CFAP69: variants seen among roughly 807,000 people sequenced by gnomAD.
The protein encoded by CFAP69 is cilia- and flagella-associated protein 69.
A neutral mutation model predicts 123.0 loss-of-function variants in CFAP69; 92 were observed. The ratio of observed to expected loss-of-function variants is 0.75; its 90% CI spans 0.63 to 0.89. The LOEUF (loss-of-function observed/expected upper bound fraction) is 0.89, where lower values mean the gene tolerates loss of function less well. Ranked by LOEUF, CFAP69 falls within the 40% of genes least tolerant of loss-of-function variation. The pLI is 0.00. For missense variants in CFAP69, 1,067 were observed against 1,096.9 expected (o/e 0.97, Z 0.39); for synonymous variants, 380 against 364.3 (o/e 1.04, Z -0.49).
At chr7:90,297,302 C>T (rs1792130404) in intron 15 of CFAP69, among the ~76,000 whole-genome samples, 1 of 152,156 alleles carries the variant, frequency 6.6e-6, no homozygotes, top group Admixed American at 6.5e-5. Context: ...CCCTCCTTCC[C>T]ATCATGGCCT....
At chr7:90,311,967 A>T (rs975352179), downstream of CFAP69, among the ~76,000 whole-genome samples, 4 of 152,230 alleles carry the variant, frequency 2.6e-5, no homozygotes, top group African/African-American at 9.6e-5. Context: ...ATGCCCATAC[A>T]AAAAATACCA....
intron 9 of CFAP69, 70 bp downstream of exon 9, chr7:90,274,180 T>G: frequency 2.6e-6 from 4 of 1,535,794 alleles, no homozygotes; most frequent in Non-Finnish European, 2.6e-6. Context: ...AAGTCCTATA[T>G]TATGTTGGAA....
intron 1 of CFAP69, among the ~76,000 whole-genome samples, chr7:90,252,828 C>G (rs1027748467): frequency 2.0e-5 from 3 of 152,006 alleles, no homozygotes; most frequent in African/African-American, 7.2e-5. Flanking sequence ...AAAGAAATTT[C>G]TTGAGATCAG....
intron 6 of CFAP69, among the ~76,000 whole-genome samples, chr7:90,269,676 T>C (rs1462169728): frequency 1.3e-5 from 2 of 152,052 alleles, no homozygotes; most frequent in Non-Finnish European, 1.5e-5. Context: ...AATCAGAGGA[T>C]TGTGAGAGTA....
chr7:90,255,580 C>A, intron 2 of CFAP69, 98 bp downstream of exon 2: 1 of 935,306 alleles, frequency 1.1e-6, no homozygotes, highest in Non-Finnish European at 1.7e-6. Context: ...TCTCATTTAT[C>A]TCGTTTTGTT....
At position 90,296,376 on chromosome 7, in the gene CFAP69, G is replaced by A. The variant is rs144149468; in HGVS notation, c.1776-1373G>A. Reference sequence around the variant, plus strand: ...GGGGTCTCATTCTGTCACCCAGCCCGGGGTGCAGTGGCGTGATCTCAGCTC... The same window carrying A: ...GGGGTCTCATTCTGTCACCCAGCCCAGGGTGCAGTGGCGTGATCTCAGCTC... On this transcript the variant is annotated intron_variant, in intron 15 of 22. Transcript: ENST00000389297. Among the ~76,000 whole-genome samples, 28 of 151,946 alleles carry A rather than the reference G, an allele frequency of 1.8e-4. No individual in the cohort carries two copies. In the East Asian group the frequency reaches 4.5e-3, roughly 24 times the overall value.
chr7:90,267,057 A>G (rs1029298225), intron 5 of CFAP69, among the ~76,000 whole-genome samples: 7 of 152,200 alleles, frequency 4.6e-5, no homozygotes, highest in African/African-American at 1.7e-4. Context: ...ATAAGCCTGC[A>G]TATTTGGATA....
intron 15 of CFAP69, among the ~76,000 whole-genome samples, chr7:90,293,838 G>A (rs1464805649): frequency 6.6e-6 from 1 of 152,096 alleles, no homozygotes; most frequent in Admixed American, 6.6e-5. Context: ...ATGTGTCCCA[G>A]GCCTTACCTA....
At chr7:90,264,756 A>G (rs2116811914) in intron 4 of CFAP69, among the ~76,000 whole-genome samples, 1 of 152,134 alleles carries the variant, frequency 6.6e-6, no homozygotes, top group South Asian at 2.1e-4. Flanking sequence ...TAATTAATAT[A>G]ATATTTTCTT....
intron 9 of CFAP69, among the ~76,000 whole-genome samples, chr7:90,276,721 T>G (rs1189203871): frequency 6.6e-6 from 1 of 152,188 alleles, no homozygotes; most frequent in Non-Finnish European, 1.5e-5. Context: ...CCTTACTGTG[T>G]CATTTGAAGT....
At position 90,277,203 on chromosome 7, in the gene CFAP69, T is replaced by C. The variant is rs774961269; in HGVS notation, c.1034-10T>C. 7 of 1,582,328 alleles carry C rather than the reference T, an allele frequency of 4.4e-6. No homozygotes were observed. In the East Asian group the frequency reaches 1.4e-4, roughly 31 times the overall value. On this transcript the variant is annotated splice_polypyrimidine_tract_variant and intron_variant, in intron 10 of 22. Transcript: ENST00000389297. The stretch of plus-strand genomic sequence containing the variant: ...ATTTAAGCTTTCATTTTACTTTTTT[T>C]CCCTCACAGTTAAAAGTCAAAATCT...
At chr7:90,297,940 C>G in intron 16 of CFAP69, 110 bp downstream of exon 16, 1 of 710,996 alleles carries the variant, frequency 1.4e-6, no homozygotes, top group Non-Finnish European at 2.3e-6. Flanking sequence ...TGCCCCAAAT[C>G]ATGTTCAAAG....
chr7:90,294,414 C>A (rs1791629640), intron 15 of CFAP69, among the ~76,000 whole-genome samples: 1 of 152,088 alleles, frequency 6.6e-6, no homozygotes, highest in East Asian at 1.9e-4. Context: ...GATTTAAGTT[C>A]TTCTTATTAA....
At position 90,299,961 on chromosome 7, in the gene CFAP69, GGAA is replaced by G; in HGVS notation, c.1957_1959del (p.Lys653del). The G allele has an allele frequency of 1.2e-6, 2 of 1,612,188 alleles. No homozygotes were observed. Among genetic ancestry groups the G allele is most frequent in the Non-Finnish European group, 1.7e-6 (2 of 1,179,100 alleles). On this transcript the variant is annotated inframe_deletion, in exon 17 of 23. Transcript: ENST00000389297. The stretch of plus-strand genomic sequence containing the variant: ...GCAGCTCATGTCAATGCTTGGCAAG[GGAA>G]GAAGGATCAGACAGCTGCTAGTCTT...
downstream of CFAP69, among the ~76,000 whole-genome samples, chr7:90,315,601 A>G (rs191144296): frequency 1.8e-3 from 272 of 152,230 alleles, no homozygotes; most frequent in Non-Finnish European, 3.0e-3. Context: ...GGCCTACTTG[A>G]TTGGTGGAGA....
At chr7:90,305,496 G>C (rs1263797033) in intron 19 of CFAP69, among the ~76,000 whole-genome samples, 3 of 150,940 alleles carry the variant, frequency 2.0e-5, no homozygotes, top group African/African-American at 7.3e-5. Flanking sequence ...AGGTTCAAGT[G>C]ATTCTCCTGC....
intron 2 of CFAP69, among the ~76,000 whole-genome samples, chr7:90,256,323 A>G (rs1026243561): frequency 6.6e-6 from 1 of 152,146 alleles, no homozygotes; most frequent in African/African-American, 2.4e-5. Context: ...GTGGGAGGTG[A>G]ACAATGAGAA....
At chr7:90,289,834 G>A (rs531067121) in intron 15 of CFAP69, among the ~76,000 whole-genome samples, 13 of 152,076 alleles carry the variant, frequency 8.5e-5, no homozygotes, top group African/African-American at 2.9e-4. Context: ...TACTTTTTTT[G>A]TATGGTTGTA....
chr7:90,319,727 A>G, the CFAP69 span: 1 of 398,572 alleles, frequency 2.5e-6, no homozygotes. Flanking sequence ...AGATAGAACC[A>G]TCTTCTTGTA....
Sources: gnomAD v4.1 joint callset for allele counts (sites outside exome capture counted in the v4.1 genomes callset) on GRCh38, gnomAD v4.1.1 for gene constraint, MANE v1.5 for transcripts, NCBI Gene and HGNC (gene_info 2026-07-23, HGNC 2026-07-21) for gene names.